The following SPATA2L variants were observed in gnomAD, a reference collection of about 807,000 sequenced individuals.
SPATA2L encodes the protein spermatogenesis associated 2 like.
SPATA2L carries 5 observed loss-of-function variants against 8.7 expected under a neutral mutation model. That is an observed-to-expected ratio of 0.57 (90% CI 0.30 to 1.21). SPATA2L has a LOEUF of 1.21. SPATA2L is among the 50% of genes most tolerant of loss of function. The probability of loss-of-function intolerance (pLI) is 0.07; values close to 1 mark genes in which losing one functional copy is unlikely to be tolerated. For missense variants in SPATA2L, 671 were observed against 591.0 expected, an observed-to-expected ratio of 1.14 and a Z score of -1.40; for synonymous variants, 358 against 275.8, an observed-to-expected ratio of 1.30 and a Z score of -2.95.
At chr16:89,701,256 G>T in intron 1 of SPATA2L, 23 bp from the exon 2 acceptor site, 1 of 1,395,316 alleles carries the variant, frequency 7.2e-7, no homozygotes, top group African/African-American at 1.5e-5. Context: ...GGGGTCGGGG[G>T]GGTCAGGGAC....
chr16:89,697,521 G>A lies in SPATA2L; in HGVS notation c.1088C>T (p.Pro363Leu). ...PGYQAHSCLS[P>L]GALPTLCCDT... ...GCAGCAGAGGGTGGGCAGGGCGCCA[G>A]GGGACAGGCAGCTGTGTGCCTGGTA... The change falls in exon 3 of 3, where the codon CCT (proline) becomes CTT (leucine). Residue 363 changes from proline to leucine, a missense_variant. By Grantham distance (98) the Pro-to-Leu change is moderately conservative (BLOSUM62 -3). Coordinates refer to ENST00000289805, the MANE Select transcript of SPATA2L (RefSeq NM_152339.4). The A allele has an allele frequency of 1.3e-6, 2 of 1,595,368 alleles. No homozygotes were observed. Among genetic ancestry groups the A allele is most frequent in the South Asian group, 1.1e-5 (1 of 89,906 alleles).
At chr16:89,699,466 TG>T (rs1335379502) in intron 2 of SPATA2L, among the ~76,000 whole-genome samples, 1 of 151,942 alleles carries the variant, frequency 6.6e-6, no homozygotes, top group Non-Finnish European at 1.5e-5. Context: ...TATTCCACCA[TG>T]GGGGTGACAC....
Position 89,697,253 on chromosome 16 carries a change from A to T in SPATA2L, c.*81T>A. The T allele has an allele frequency of 2.1e-6, 3 of 1,422,594 alleles. No homozygotes were observed. The highest frequency in any genetic ancestry group is 1.8e-6 in the Non-Finnish European group (2 of 1,092,340). 88.1% of individuals were successfully genotyped at this position (1,422,594 alleles called of 1,614,324 possible). A position where few individuals can be genotyped will look rare whatever the true frequency, so the allele number is the denominator to read the frequency against. ...GGACTCCCCCAGGGACAAGGCAACC[A>T]GAGGCCCAGACCCCTCCCCAGCAAA... is the stretch of plus-strand genomic sequence containing the variant. On this transcript the variant is annotated 3_prime_UTR_variant, in exon 3 of 3. Coordinates refer to ENST00000289805, the MANE Select transcript of SPATA2L (RefSeq NM_152339.4).
Position 89,700,937 on chromosome 16 carries a change from G to T in SPATA2L, c.296C>A (p.Thr99Asn). 1 of 1,480,156 alleles carries T rather than the reference G, an allele frequency of 6.8e-7. No homozygotes were observed. The allele number at this position is 1,480,156 out of a possible 1,614,324, so 91.7% of individuals were successfully genotyped here. A position where few individuals can be genotyped will look rare whatever the true frequency, so the allele number is the denominator to read the frequency against. ...TCCTGGCCTGGCGCCTACCTTGATG[G>T]TGGTGAACTCCTTCCTCCAGGGCAG... ...YLLPWRKEFT[T>N]IKTFSGGYVH... is the part of the protein sequence containing the mutation. Residue 99 changes from threonine to asparagine, a missense_variant, in exon 2 of 3, where the codon ACC becomes AAC. Transcript: ENST00000289805.
In SPATA2L at chr16:89,696,569, T is replaced by C. The variant is rs866466377; in HGVS notation, c.*765A>G. 34 of 496,736 alleles carry C rather than the reference T, an allele frequency of 6.8e-5. 1 individual carries two copies. Among genetic ancestry groups the C allele is most frequent in the African/African-American group, 6.1e-4 (31 of 50,524 alleles). 30.8% of individuals were successfully genotyped at this position (496,736 alleles called of 1,614,324 possible). On this transcript the variant is annotated 3_prime_UTR_variant, in exon 3 of 3. Transcript: ENST00000289805. ...GGCACCTCCTCGCCAGCCTGTGGGC[T>C]GCACCCACAGGGAATGGAGGGGAGG... is the stretch of plus-strand genomic sequence containing the variant.
Position 89,701,071 on chromosome 16 carries a change from C to T in SPATA2L, c.162G>A (p.Leu54=), listed in dbSNP as rs2060772984. The T allele has an allele frequency of 6.4e-7, 1 of 1,573,408 alleles. No homozygotes were observed. Among genetic ancestry groups the T allele is most frequent in the Admixed American group, 1.8e-5 (1 of 56,356 alleles). ...CCCACAGCCCGTCGGTGAGCAGAGC[C>T]AGCGCGTCGTCCTGCAGCGCCCCGT... is the stretch of plus-strand genomic sequence containing the variant. ...DLHGALQDDA[L]ALLTDGLWGR... The change falls in exon 2 of 3, where the codon CTG becomes CTA. Residue 54 remains leucine (L), a synonymous_variant. Coordinates refer to ENST00000289805, the MANE Select transcript of SPATA2L (RefSeq NM_152339.4).
At chr16:89,701,448 T>G (rs1401261117) in intron 1 of SPATA2L, 180 bp downstream of exon 1, 1 of 445,298 alleles carries the variant, frequency 2.2e-6, no homozygotes, top group African/African-American at 2.1e-5. Context: ...CCCCTCCAGT[T>G]GAGCGCCCCC....
At position 89,696,896 on chromosome 16, in the gene SPATA2L, A is replaced by G. The variant is rs1024702078; in HGVS notation, c.*438T>C. 19 of 1,533,156 alleles carry G rather than the reference A, an allele frequency of 1.2e-5. No homozygotes were observed. Among genetic ancestry groups the G allele is most frequent in the African/African-American group, 8.2e-5 (6 of 73,134 alleles). 95.0% of individuals were successfully genotyped at this position (1,533,156 alleles called of 1,614,324 possible). On this transcript the variant is annotated 3_prime_UTR_variant, in exon 3 of 3. Transcript: ENST00000289805. ...GTGGGGGGAGCTCGGTGTCACCAACAGGCCCTTGAGGACACTCGTGTGGAG... is the reference window on the plus strand; with the variant it reads ...GTGGGGGGAGCTCGGTGTCACCAACGGGCCCTTGAGGACACTCGTGTGGAG...
At position 89,697,781 on chromosome 16, in the gene SPATA2L, C is replaced by T. The variant is rs771332898; in HGVS notation, c.828G>A (p.Arg276=). ...QSAKLWGTGG[R]AWEPPAEELP... ...GCTCCTCAGCTGGGGGCTCCCAGGC[C>T]CGGCCCCCAGTGCCCCACAGTTTGG... is the stretch of plus-strand genomic sequence containing the variant. The change falls in exon 3 of 3, where the codon CGG becomes CGA. Residue 276 remains arginine, a synonymous_variant. Transcript: ENST00000289805. 8 of 1,600,126 alleles carry T rather than the reference C, an allele frequency of 5.0e-6. No homozygotes were observed. The East Asian group carries it at 1.8e-4, about 36-fold the overall frequency.
chr16:89,700,858 T>G (rs1021415013), intron 2 of SPATA2L, 72 bp downstream of exon 2: 20 of 1,371,236 alleles, frequency 1.5e-5, no homozygotes, highest in Non-Finnish European at 1.7e-5. Flanking sequence ...AAAGGCGTGG[T>G]CCCCCATGGT....
In SPATA2L at chr16:89,697,555, G is replaced by T. The variant is rs1232805524; in HGVS notation, c.1054C>A (p.Pro352Thr). Residue 352 changes from proline to threonine, a missense_variant, in exon 3 of 3, where the codon CCC (proline) becomes ACC (threonine). Physicochemically the swap from Pro to Thr is conservative, Grantham distance 38. Coordinates refer to ENST00000289805, the MANE Select transcript of SPATA2L (RefSeq NM_152339.4). ...CAGCTGTGTGCCTGGTAGCCTGGGGGCTCCGAGACAGACCTATAGGCTGAG... is the reference window on the plus strand; with the variant it reads ...CAGCTGTGTGCCTGGTAGCCTGGGGTCTCCGAGACAGACCTATAGGCTGAG... ...PASAYRSVSE[P>T]PGYQAHSCLS... 6.3e-7 allele frequency: 1 copy of T among 1,589,232 alleles called. No individual in the cohort carries two copies.
rs897857026 is a variant in SPATA2L, at chr16:89,696,655, T to C, written c.*679A>G. ...GCCTGGGCGGGCTGTCCACAGGCCC[T>C]TCCGCCCAGCAGCAGTGACGCTCAG... On this transcript the variant is annotated 3_prime_UTR_variant, in exon 3 of 3. Transcript: ENST00000289805. The C allele has an allele frequency of 1.0e-6, 1 of 965,320 alleles. No individual in the cohort carries two copies. The allele number at this position is 965,320 out of a possible 1,614,324, so 59.8% of individuals were successfully genotyped here.
In SPATA2L at chr16:89,697,514, G is replaced by A; in HGVS notation, c.1095C>T (p.Ala365=). The A allele has an allele frequency of 6.3e-7, 1 of 1,597,918 alleles. No individual in the cohort carries two copies. The highest frequency in any genetic ancestry group is 8.5e-7 in the Non-Finnish European group (1 of 1,172,976). The stretch of plus-strand genomic sequence containing the variant: ...AGGTGTCGCAGCAGAGGGTGGGCAG[G>A]GCGCCAGGGGACAGGCAGCTGTGTG... ...YQAHSCLSPG[A]LPTLCCDTCR... Residue 365 remains alanine (A), a synonymous_variant, in exon 3 of 3, where the codon GCC becomes GCT. Transcript: ENST00000289805.
intron 2 of SPATA2L, among the ~76,000 whole-genome samples, chr16:89,700,582 G>C (rs901679874): frequency 6.6e-6 from 1 of 152,216 alleles, no homozygotes; most frequent in Non-Finnish European, 1.5e-5. Flanking sequence ...ATAACCTGGA[G>C]GAATTAGGAT....
chr16:89,700,819 C>T, intron 2 of SPATA2L, 111 bp downstream of exon 2: 8 of 1,228,746 alleles, frequency 6.5e-6, no homozygotes, highest in Non-Finnish European at 8.6e-6. Context: ...CCACCAGGCA[C>T]TGAGGACACT....
chr16:89,697,755 A>G lies in SPATA2L; in HGVS notation c.854T>C (p.Leu285Pro). 6.2e-7 allele frequency: 1 copy of G among 1,603,404 alleles called. No homozygotes were observed. The highest frequency in any genetic ancestry group is 8.5e-7 in the Non-Finnish European group (1 of 1,175,834). Reference sequence around the variant, plus strand: ...ATATGGTGGGCTGCTGGCCTGCGGCAGCTCCTCAGCTGGGGGCTCCCAGGC... The same window carrying G: ...ATATGGTGGGCTGCTGGCCTGCGGCGGCTCCTCAGCTGGGGGCTCCCAGGC... Reference protein sequence around the residue: ...GRAWEPPAEELPQASSPPYGA... With the variant: ...GRAWEPPAEEPPQASSPPYGA... Residue 285 changes from leucine to proline, a missense_variant, in exon 3 of 3, where the codon CTG becomes CCG. Leu to Pro is a moderately conservative substitution (Grantham distance 98, BLOSUM62 -3). Transcript: ENST00000289805.
In SPATA2L at chr16:89,698,288, G is replaced by A. The variant is rs371754334; in HGVS notation, c.321C>T (p.Tyr107=). The part of the protein sequence containing the change: ...FTTIKTFSGG[Y]VHVLKGVLSD... Reference sequence around the variant, plus strand: ...AGAGCACACCCTTCAGCACGTGCACGTAGCCCCCAGAGAAGGTCTGCAAGG... The same window carrying A: ...AGAGCACACCCTTCAGCACGTGCACATAGCCCCCAGAGAAGGTCTGCAAGG... The change falls in exon 3 of 3, where the codon TAC becomes TAT. Residue 107 remains tyrosine, a synonymous_variant. Transcript: ENST00000289805. 4.1e-5 allele frequency: 64 copies of A among 1,572,478 alleles called. No homozygotes were observed. In the African/African-American group the frequency reaches 4.6e-4, roughly 11 times the overall value.
At chr16:89,698,332 C>T in intron 2 of SPATA2L, 27 bp from the exon 3 acceptor site, 1 of 1,533,466 alleles carries the variant, frequency 6.5e-7, no homozygotes, top group Non-Finnish European at 8.8e-7. Flanking sequence ...AGGTCAGTGA[C>T]TGCCCACCCT....
chr16:89,701,355 G>T, intron 1 of SPATA2L, 122 bp from the exon 2 acceptor site: 5 of 1,043,280 alleles, frequency 4.8e-6, no homozygotes, highest in Non-Finnish European at 6.4e-6. Flanking sequence ...CGCCCCCAGC[G>T]GCTGGGCGCC....
Sources: allele counts gnomAD v4.1 joint callset (sites outside exome capture counted in the v4.1 genomes callset), GRCh38; gene constraint gnomAD v4.1.1; transcripts MANE v1.5; gene names NCBI Gene and HGNC (gene_info 2026-07-23, HGNC 2026-07-21).